Variants in HECTD2 observed in about 807,000 individuals in gnomAD.
HECTD2 encodes probable E3 ubiquitin-protein ligase HECTD2.
HECTD2 carries 35 observed loss-of-function variants against 103.2 expected under a neutral mutation model. The observed-to-expected ratio is 0.34, with a 90% confidence interval of 0.26 to 0.45. The LOEUF (loss-of-function observed/expected upper bound fraction) is 0.45, where lower values mean the gene tolerates loss of function less well. Among genes scored for constraint, HECTD2 ranks in the 20% least tolerant of loss-of-function variants. The pLI is 1.00. For missense variants in HECTD2, 596 were observed against 937.4 expected, an observed-to-expected ratio of 0.64 and a Z score of 4.76; for synonymous variants, 281 against 329.9, an observed-to-expected ratio of 0.85 and a Z score of 1.61.
intron 14 of HECTD2, 115 bp from the exon 15 acceptor site, chr10:91,496,099 T>C: frequency 1.8e-6 from 1 of 571,066 alleles, no homozygotes; most frequent in East Asian, 3.0e-5. Flanking sequence ...GTGATACTAA[T>C]TAGAAAGTCA....
intron 2 of HECTD2, among the ~76,000 whole-genome samples, chr10:91,457,986 G>A (rs1265946571): frequency 1.5e-5 from 2 of 135,250 alleles, no homozygotes; most frequent in Non-Finnish European, 3.1e-5. Context: ...TAAGAAATAA[G>A]ACTTTCCCTA....
rs535822931 is a variant in HECTD2 at position 91,504,985 on chromosome 10, A to G, written c.2210+3651A>G. On this transcript the variant is annotated intron_variant, in intron 20 of 20. Coordinates refer to ENST00000298068, the MANE Select transcript of HECTD2 (RefSeq NM_182765.6). ...GGGGACCAATATTCAACATTCTTAA[A>G]GAATTTTCAACCCAGAATTTCATAT... 2.8e-4 allele frequency among the ~76,000 whole-genome samples: 42 copies of G among 152,354 alleles called. No homozygotes were observed. In the South Asian group the frequency reaches 6.6e-3, roughly 24 times the overall value.
intron 1 of HECTD2, among the ~76,000 whole-genome samples, chr10:91,421,710 G>A (rs568246395): frequency 6.6e-6 from 1 of 152,102 alleles, no homozygotes; most frequent in Non-Finnish European, 1.5e-5. Context: ...AGTGAGCATT[G>A]GTTCCTTTAG....
chr10:91,410,339 A>G (rs1842859531), upstream of HECTD2: 1 of 641,240 alleles, frequency 1.6e-6, no homozygotes, highest in Non-Finnish European at 2.1e-6. Flanking sequence ...TAGAAGCGGC[A>G]GCCCAGAGCC....
intron 1 of HECTD2, among the ~76,000 whole-genome samples, chr10:91,424,520 A>G (rs1399127742): frequency 6.6e-6 from 1 of 152,156 alleles, no homozygotes; most frequent in East Asian, 1.9e-4. Context: ...AAGATCCCAG[A>G]GAGCTGAGAA....
intron 5 of HECTD2, among the ~76,000 whole-genome samples, chr10:91,473,742 TATC>T (rs978787150): frequency 6.6e-6 from 1 of 152,326 alleles, no homozygotes; most frequent in African/African-American, 2.4e-5. Flanking sequence ...TTAATAACAT[TATC>T]TTTTCTCTAT....
chr10:91,432,322 T>C (rs1014343261), intron 2 of HECTD2, among the ~76,000 whole-genome samples: 4 of 151,928 alleles, frequency 2.6e-5, no homozygotes, highest in Admixed American at 1.3e-4. Flanking sequence ...TCAAGTGATA[T>C]TAGGGAAACT....
At chr10:91,423,854 A>G (rs757077094) in intron 1 of HECTD2, among the ~76,000 whole-genome samples, 67 of 152,158 alleles carry the variant, frequency 4.4e-4, no homozygotes, top group Non-Finnish European at 6.0e-4. Context: ...TGAAGGGCCA[A>G]CATTAGAATG....
At chr10:91,446,168 C>A (rs1279289258) in intron 2 of HECTD2, among the ~76,000 whole-genome samples, 1 of 151,364 alleles carries the variant, frequency 6.6e-6, no homozygotes, top group African/African-American at 2.4e-5. Context: ...ACAAAGCTTC[C>A]AGAGGAAGGA....
intron 2 of HECTD2, among the ~76,000 whole-genome samples, chr10:91,436,916 T>A (rs555225486): frequency 6.6e-6 from 1 of 152,160 alleles, no homozygotes; most frequent in African/African-American, 2.4e-5. Context: ...TATAGACTTA[T>A]ATCTTTAAAA....
intron 2 of HECTD2, among the ~76,000 whole-genome samples, chr10:91,426,038 C>T (rs1388923387): frequency 6.6e-6 from 1 of 151,892 alleles, no homozygotes; most frequent in African/African-American, 2.4e-5. Flanking sequence ...TGTAAAGTGA[C>T]TGGGAGAAAT....
intron 2 of HECTD2, among the ~76,000 whole-genome samples, chr10:91,440,431 T>G (rs562070011): frequency 6.6e-6 from 1 of 152,302 alleles, no homozygotes; most frequent in African/African-American, 2.4e-5. Flanking sequence ...TGAAGCCAAC[T>G]TGATTGTGGT....
intron 1 of HECTD2, among the ~76,000 whole-genome samples, chr10:91,424,468 C>A (rs1270710150): frequency 6.6e-6 from 1 of 152,088 alleles, no homozygotes; most frequent in African/African-American, 2.4e-5. Flanking sequence ...AAGTTAACTA[C>A]TGTATTCTCT....
At chr10:91,419,176 A>C (rs2132996936) in intron 1 of HECTD2, among the ~76,000 whole-genome samples, 1 of 152,300 alleles carries the variant, frequency 6.6e-6, no homozygotes, top group Admixed American at 6.5e-5. Context: ...GGATGATCAA[A>C]GTAAATTTTA....
intron 1 of HECTD2, among the ~76,000 whole-genome samples, chr10:91,421,642 T>G (rs1167887009): frequency 6.6e-6 from 1 of 152,200 alleles, no homozygotes; most frequent in Admixed American, 6.5e-5. Context: ...TGTTGATATA[T>G]TACAATAACC....
chr10:91,425,372 G>T lies in HECTD2; in HGVS notation c.230G>T (p.Ser77Ile). 6.3e-7 allele frequency: 1 copy of T among 1,578,686 alleles called. No individual in the cohort carries two copies. The highest frequency in any genetic ancestry group is 1.2e-5 in the South Asian group (1 of 84,884). The stretch of plus-strand genomic sequence containing the variant: ...AAGAAAGAAGCTGCTGAAAACAGAA[G>T]TTCACCTGCACATCTTGTTTTCCCT... ...SPKKEAAENR[S>I]SPAHLVFPNI... The change falls in exon 2 of 21, where the codon AGT becomes ATT. Residue 77 changes from serine (S) to isoleucine (I), a missense_variant. Transcript: ENST00000298068.
chr10:91,440,225 T>C (rs1844344776), intron 2 of HECTD2, among the ~76,000 whole-genome samples: 1 of 152,150 alleles, frequency 6.6e-6, no homozygotes, highest in South Asian at 2.1e-4. Context: ...TTGTCATAAA[T>C]AGCTCTTATT....
rs528672016 is a variant in HECTD2, at chr10:91,417,526, C to G, written c.138+6950C>G. Reference sequence around the variant, plus strand: ...CCTAATGCTATCCCTCCCCGCCCCCCCACAACAGGCCCGGGTGTGTGATGT... The same window carrying G: ...CCTAATGCTATCCCTCCCCGCCCCCGCACAACAGGCCCGGGTGTGTGATGT... On this transcript the variant is annotated intron_variant, in intron 1 of 20. Coordinates refer to ENST00000298068, the MANE Select transcript of HECTD2 (RefSeq NM_182765.6). Among the ~76,000 whole-genome samples the G allele has an allele frequency of 4.3e-4, 65 of 152,210 alleles. No individual in the cohort carries two copies. The South Asian group carries it at 4.4e-3, about 10-fold the overall frequency.
At chr10:91,419,553 AATTACTACGTTTTTCTGCTGTTTG>A (rs1843266562) in intron 1 of HECTD2, among the ~76,000 whole-genome samples, 1 of 152,122 alleles carries the variant, frequency 6.6e-6, no homozygotes, top group African/African-American at 2.4e-5. Context: ...TAGTTATTGT[AATTACTACGTTTTTCTGCTGTTTG>A]CAACGTTTAT....
Sources: gnomAD v4.1 joint callset for allele counts (sites outside exome capture counted in the v4.1 genomes callset) on GRCh38, gnomAD v4.1.1 for gene constraint, MANE v1.5 for transcripts, NCBI Gene and HGNC (gene_info 2026-07-23, HGNC 2026-07-21) for gene names.